ASIC2: variants seen among roughly 807,000 people sequenced by gnomAD.
The protein encoded by ASIC2 is acid-sensing ion channel 2.
Under a neutral mutation model 57.3 loss-of-function variants are expected in ASIC2, and 25 were observed. The observed-to-expected ratio is 0.44, with a 90% CI of 0.32 to 0.61. ASIC2 has a LOEUF of 0.61. Among genes scored for constraint, ASIC2 ranks in the 20% least tolerant of loss-of-function variants. The pLI is 0.06. For synonymous variants in ASIC2, 319 were observed against 307.5 expected (o/e 1.04, Z -0.39); for missense variants, 641 against 738.1 (o/e 0.87, Z 1.52).
intron 1 of ASIC2, among the ~76,000 whole-genome samples, chr17:33,465,565 A>T (rs1912837139): frequency 6.6e-6 from 1 of 151,760 alleles, no homozygotes; most frequent in Non-Finnish European, 1.5e-5. Context: ...GTAGATACAG[A>T]GTTTCACCAT....
intron 1 of ASIC2, among the ~76,000 whole-genome samples, chr17:33,454,825 A>G (rs1051060914): frequency 2.0e-5 from 3 of 152,190 alleles, no homozygotes; most frequent in African/African-American, 7.2e-5. Context: ...TGGTGGAAGG[A>G]ACAGAGGGGC....
At chr17:33,171,450 C>T (rs188571002) in intron 1 of ASIC2, among the ~76,000 whole-genome samples, 1 of 152,310 alleles carries the variant, frequency 6.6e-6, no homozygotes, top group Admixed American at 6.5e-5. Context: ...GTCTTTCAAC[C>T]TTCTCTGTCA....
At chr17:33,990,900 A>G (rs1297567511) in intron 1 of ASIC2, among the ~76,000 whole-genome samples, 1 of 152,262 alleles carries the variant, frequency 6.6e-6, no homozygotes, top group Admixed American at 6.5e-5. Context: ...ACACTTAATT[A>G]TTAGTTCAAA....
intron 1 of ASIC2, among the ~76,000 whole-genome samples, chr17:33,989,630 C>T (rs1388736219): frequency 6.6e-6 from 1 of 152,088 alleles, no homozygotes; most frequent in Non-Finnish European, 1.5e-5. Flanking sequence ...AATCAAAAGA[C>T]CTACTTTTGA....
At chr17:33,933,542 G>A (rs751770582) in intron 1 of ASIC2, among the ~76,000 whole-genome samples, 3 of 152,208 alleles carry the variant, frequency 2.0e-5, no homozygotes, top group Admixed American at 1.3e-4. Context: ...TGATTTCAGC[G>A]ACTGCACCGA....
intron 1 of ASIC2, among the ~76,000 whole-genome samples, chr17:34,132,583 A>C (rs1055436784): frequency 6.6e-5 from 10 of 151,566 alleles, no homozygotes; most frequent in Admixed American, 6.6e-4. Context: ...CATTTTACAG[A>C]GTGCTGATTG....
intron 1 of ASIC2, among the ~76,000 whole-genome samples, chr17:33,736,983 A>C (rs934049708): frequency 3.3e-5 from 5 of 152,278 alleles, no homozygotes; most frequent in Non-Finnish European, 7.3e-5. Flanking sequence ...TATTTAAAGC[A>C]TATGCTATGA....
chr17:33,447,789 G>A (rs1912080586), intron 1 of ASIC2, among the ~76,000 whole-genome samples: 1 of 151,884 alleles, frequency 6.6e-6, no homozygotes, highest in South Asian at 2.1e-4. Context: ...AGATGAATCA[G>A]TAGGGTGACT....
intron 1 of ASIC2, among the ~76,000 whole-genome samples, chr17:34,151,105 G>GAAAAAAAAAAAAAA: frequency 8.0e-6 from 1 of 125,300 alleles, no homozygotes; most frequent in Non-Finnish European, 1.7e-5. Context: ...TCCATCTCAA[G>GAAAAAAAAAAAAAA]AAAAAAAAAA....
intron 1 of ASIC2, among the ~76,000 whole-genome samples, chr17:33,726,860 G>A (rs907286527): frequency 2.6e-5 from 4 of 152,150 alleles, no homozygotes; most frequent in African/African-American, 4.8e-5. Context: ...GACACCTCAG[G>A]GCAGAAAGAA....
intron 1 of ASIC2, among the ~76,000 whole-genome samples, chr17:33,226,963 C>T (rs1907904423): frequency 6.6e-6 from 1 of 152,032 alleles, no homozygotes. Context: ...ACAAAAATTA[C>T]TGAGATTTAT....
chr17:34,055,060 A>G (rs1908714983), intron 1 of ASIC2, among the ~76,000 whole-genome samples: 1 of 152,232 alleles, frequency 6.6e-6, no homozygotes, highest in Admixed American at 6.5e-5. Context: ...CAGAGAGTCC[A>G]GTGGGACTAA....
At chr17:33,885,394 G>A (rs549063670) in intron 1 of ASIC2, among the ~76,000 whole-genome samples, 6 of 152,142 alleles carry the variant, frequency 3.9e-5, no homozygotes, top group African/African-American at 1.2e-4. Context: ...TCTCAAAAAC[G>A]TGATCAGGTG....
chr17:33,632,871 AT>A (rs1387033896), intron 1 of ASIC2, among the ~76,000 whole-genome samples: 46 of 152,310 alleles, frequency 3.0e-4, no homozygotes, highest in Admixed American at 9.2e-4. Context: ...TGTAGATGAC[AT>A]TGTGCCAAGA....
chr17:33,454,175 A>G (rs1438576144), intron 1 of ASIC2, among the ~76,000 whole-genome samples: 1 of 152,198 alleles, frequency 6.6e-6, no homozygotes, highest in African/African-American at 2.4e-5. Context: ...CTCTGTAAAG[A>G]CCAACACAGC....
Position 34,115,829 on chromosome 17 carries a change from C to T in ASIC2, c.555+40149G>A, listed in dbSNP as rs182565994. 8.1e-4 allele frequency among the ~76,000 whole-genome samples: 123 copies of T among 152,290 alleles called. 1 individual carries two copies. The highest frequency in any genetic ancestry group is 1.1e-3 in the Non-Finnish European group (78 of 68,028). On this transcript the variant is annotated intron_variant, in intron 1 of 9. Coordinates refer to the ASIC2 transcript ENST00000359872. ...CAACACTCCCCTTATTCAGGTATAT[C>T]TGCTTTTATCCAATAGCGCAAGAGT...
At chr17:33,472,432 G>A (rs7342893) in intron 1 of ASIC2, among the ~76,000 whole-genome samples, 29,611 of 152,134 alleles carry the variant, frequency 0.19, 3,533 homozygotes, top group African/African-American at 0.34. Flanking sequence ...AGGTATTATG[G>A]CACCATCTTA....
At chr17:33,347,416 G>A (rs1424870062) in intron 1 of ASIC2, among the ~76,000 whole-genome samples, 1 of 150,914 alleles carries the variant, frequency 6.6e-6, no homozygotes, top group African/African-American at 2.5e-5. Flanking sequence ...GAATAGGCAA[G>A]TGAACCTACT....
chr17:34,021,363 C>G (rs1024320892), intron 1 of ASIC2, among the ~76,000 whole-genome samples: 1 of 152,194 alleles, frequency 6.6e-6, no homozygotes, highest in Non-Finnish European at 1.5e-5. Flanking sequence ...CTATATGGCC[C>G]CTGCCCTGGA....
Sources: gnomAD v4.1 joint callset for allele counts (sites outside exome capture counted in the v4.1 genomes callset) on GRCh38, gnomAD v4.1.1 for gene constraint, MANE v1.5 for transcripts, NCBI Gene and HGNC (gene_info 2026-07-23, HGNC 2026-07-21) for gene names.